CDH12: variants seen among roughly 807,000 people sequenced by gnomAD.
CDH12 encodes the protein cadherin-12.
A neutral mutation model predicts 74.1 loss-of-function variants in CDH12; 41 were observed. The ratio of observed to expected loss-of-function variants is 0.55; its 90% confidence interval spans 0.43 to 0.72. The LOEUF is 0.72. Among genes scored for constraint, CDH12 ranks in the 30% least tolerant of loss-of-function variants. CDH12 has a pLI of 0.00. For missense variants in CDH12, 945 were observed against 977.2 expected (o/e 0.97, Z 0.44); for synonymous variants, 399 against 355.0 (o/e 1.12, Z -1.39).
At chr5:22,362,567 C>A (rs1453176732) in intron 3 of CDH12, among the ~76,000 whole-genome samples, 3 of 151,968 alleles carry the variant, frequency 2.0e-5, no homozygotes, top group Non-Finnish European at 2.9e-5. Flanking sequence ...TTGACCCAGC[C>A]ATCCCATTAC....
intron 3 of CDH12, among the ~76,000 whole-genome samples, chr5:22,244,566 AG>A (rs1752858607): frequency 7.5e-6 from 1 of 133,180 alleles, no homozygotes; most frequent in East Asian, 2.6e-4. Context: ...AAAGAGAGAA[AG>A]AGAGAGTAAG....
intron 2 of CDH12, among the ~76,000 whole-genome samples, chr5:22,480,266 T>C (rs1012832313): frequency 3.3e-5 from 5 of 152,064 alleles, no homozygotes. Context: ...TACTGGACTT[T>C]ACCAGGAGCA....
rs1354809196 is a variant in CDH12, at chr5:22,718,914, C to T, written c.-523+134144G>A. 2.6e-5 allele frequency among the ~76,000 whole-genome samples: 4 copies of T among 152,140 alleles called. No individual in the cohort carries two copies. The East Asian group carries it at 7.7e-4, about 29-fold the overall frequency. On this transcript the variant is annotated intron_variant, in intron 1 of 14. Transcript: ENST00000382254. ...GCATGTGGATCTCTCTGGGACTTTG[C>T]CCTGTGTGTCTCTTTCCTTCGCTGA...
intron 5 of CDH12, among the ~76,000 whole-genome samples, chr5:22,034,529 C>T (rs534464358): frequency 2.0e-5 from 3 of 152,114 alleles, no homozygotes; most frequent in Non-Finnish European, 2.9e-5. Flanking sequence ...GAAGATCCCA[C>T]GACCAGCTGA....
chr5:22,194,791 G>C (rs1050590131), intron 4 of CDH12, among the ~76,000 whole-genome samples: 1 of 152,148 alleles, frequency 6.6e-6, no homozygotes. Context: ...TGAGCAATGG[G>C]GACCACGGGC....
chr5:22,697,970 C>T (rs559813039), intron 1 of CDH12, among the ~76,000 whole-genome samples: 47 of 152,152 alleles, frequency 3.1e-4, no homozygotes, highest in African/African-American at 1.0e-3. Context: ...CTCTCACCCC[C>T]AGGACTGGAA....
At chr5:22,118,016 A>T (rs1294345039) in intron 4 of CDH12, among the ~76,000 whole-genome samples, 4 of 152,170 alleles carry the variant, frequency 2.6e-5, no homozygotes, top group African/African-American at 9.6e-5. Context: ...TGGTGAAAAA[A>T]TAATACAGAG....
In CDH12 at chr5:22,266,265, G is replaced by A. The variant is rs1033526051; in HGVS notation, c.-332-53622C>T. On this transcript the variant is annotated intron_variant, in intron 3 of 14. Coordinates refer to ENST00000382254, the MANE Select transcript of CDH12 (RefSeq NM_004061.5). ...TAATTTTTGTATTTTTAGTAGAGAC[G>A]GGGTTTCACCATGTTGGCCTGGCTT... Among the ~76,000 whole-genome samples, 17 of 151,768 alleles carry A rather than the reference G, an allele frequency of 1.1e-4. No individual in the cohort carries two copies. In the East Asian group the frequency reaches 1.2e-3, roughly 10 times the overall value.
chr5:22,848,300 T>C (rs1202058433), intron 1 of CDH12, among the ~76,000 whole-genome samples: 1 of 152,200 alleles, frequency 6.6e-6, no homozygotes, highest in East Asian at 1.9e-4. Flanking sequence ...CTTCAAGTGA[T>C]TGTTTTATCT....
chr5:22,067,601 G>C lies in CDH12; in HGVS notation c.231+10845C>G, dbSNP rs369797178. ...CTATACGATCCAGCAGGTCCAGTGG[G>C]GGGCAGTAATAGTAGTGTCAGTAAT... On this transcript the variant is annotated intron_variant, in intron 5 of 14. Coordinates refer to ENST00000382254, the MANE Select transcript of CDH12 (RefSeq NM_004061.5). Among the ~76,000 whole-genome samples, 11 of 152,212 alleles carry C rather than the reference G, an allele frequency of 7.2e-5. No homozygotes were observed. In the East Asian group the frequency reaches 1.2e-3, roughly 16 times the overall value.
At chr5:22,556,822 CT>C (rs1295280369) in intron 1 of CDH12, among the ~76,000 whole-genome samples, 1 of 152,002 alleles carries the variant, frequency 6.6e-6, no homozygotes, top group African/African-American at 2.4e-5. Flanking sequence ...AGATGTAAAT[CT>C]TCTACAACCC....
intron 4 of CDH12, among the ~76,000 whole-genome samples, chr5:22,095,755 T>A (rs1288726280): frequency 6.6e-6 from 1 of 151,328 alleles, no homozygotes; most frequent in Non-Finnish European, 1.5e-5. Flanking sequence ...CGACCCCTTA[T>A]CTCTGCACCC....
intron 2 of CDH12, among the ~76,000 whole-genome samples, chr5:22,445,306 T>C (rs1430017226): frequency 6.6e-6 from 1 of 152,016 alleles, no homozygotes; most frequent in Non-Finnish European, 1.5e-5. Context: ...AAAAGTGAGG[T>C]TGAATCTTGG....
intron 1 of CDH12, among the ~76,000 whole-genome samples, chr5:22,737,331 C>A (rs961121140): frequency 1.3e-5 from 2 of 151,628 alleles, no homozygotes; most frequent in Admixed American, 6.6e-5. Flanking sequence ...TGATGTTTTG[C>A]TAGAAAATAA....
intron 3 of CDH12, among the ~76,000 whole-genome samples, chr5:22,246,948 T>C (rs1215833359): frequency 6.6e-6 from 1 of 152,210 alleles, no homozygotes; most frequent in Non-Finnish European, 1.5e-5. Context: ...AGGATAACGT[T>C]TCATATTCTA....
chr5:22,047,142 T>A (rs190103410), intron 5 of CDH12, among the ~76,000 whole-genome samples: 1 of 152,306 alleles, frequency 6.6e-6, no homozygotes, highest in East Asian at 1.9e-4. Context: ...TATCCTTGTC[T>A]ATGGATTGAA....
At chr5:21,969,404 T>A (rs1191158027) in intron 6 of CDH12, among the ~76,000 whole-genome samples, 12 of 152,158 alleles carry the variant, frequency 7.9e-5, no homozygotes, top group Non-Finnish European at 1.5e-5. Flanking sequence ...ACTTGTAGAA[T>A]ATGGCAGAAG....
intron 1 of CDH12, among the ~76,000 whole-genome samples, chr5:22,797,440 A>G (rs1422794733): frequency 6.6e-6 from 1 of 152,204 alleles, no homozygotes; most frequent in Non-Finnish European, 1.5e-5. Context: ...TCCTGGTGGC[A>G]GTAGGTACTT....
intron 6 of CDH12, among the ~76,000 whole-genome samples, chr5:21,942,351 C>T (rs926935530): frequency 0.4 from 27,647 of 69,072 alleles, 4,753 homozygotes; most frequent in African/African-American, 0.61. Context: ...TATATATACA[C>T]ACACACACAC....
Sources: gnomAD v4.1 joint callset for allele counts (sites outside exome capture counted in the v4.1 genomes callset) on GRCh38, gnomAD v4.1.1 for gene constraint, MANE v1.5 for transcripts, NCBI Gene and HGNC (gene_info 2026-07-23, HGNC 2026-07-21) for gene names.